Variants in KCNQ5 observed in about 807,000 individuals in gnomAD.
The protein encoded by KCNQ5 is potassium voltage-gated channel subfamily Q member 5.
In KCNQ5, 30 loss-of-function variants were observed where a neutral mutation model predicts 98.2. The ratio of observed to expected loss-of-function variants is 0.31; its 90% confidence interval spans 0.23 to 0.41. The LOEUF is 0.41. KCNQ5 is among the 10% of genes least tolerant of loss of function. The pLI is 1.00. For missense variants in KCNQ5, 835 were observed against 1,182.5 expected, an observed-to-expected ratio of 0.71 and a Z score of 4.31; for synonymous variants, 458 against 449.4, an observed-to-expected ratio of 1.02 and a Z score of -0.24.
intron 1 of KCNQ5, among the ~76,000 whole-genome samples, chr6:72,993,988 G>A: frequency 2.4e-5 from 2 of 84,208 alleles, no homozygotes; most frequent in African/African-American, 6.1e-5. Context: ...CAGGGGTCAG[G>A]GACCCACTTG....
At chr6:73,126,073 G>T (rs1775978734) in intron 9 of KCNQ5, among the ~76,000 whole-genome samples, 1 of 152,102 alleles carries the variant, frequency 6.6e-6, no homozygotes, top group Non-Finnish European at 1.5e-5. Flanking sequence ...CTTGAAAAAA[G>T]TTACACAAAA....
At chr6:72,897,191 A>G (rs2150189313) in intron 1 of KCNQ5, among the ~76,000 whole-genome samples, 1 of 152,200 alleles carries the variant, frequency 6.6e-6, no homozygotes, top group East Asian at 1.9e-4. Flanking sequence ...ATGGGGGAAA[A>G]AATTGGAATT....
chr6:72,637,951 C>T (rs989557109), intron 1 of KCNQ5, among the ~76,000 whole-genome samples: 1 of 152,178 alleles, frequency 6.6e-6, no homozygotes, highest in Non-Finnish European at 1.5e-5. Context: ...CGGGTAAGTT[C>T]CCTTAGCTTC....
intron 10 of KCNQ5, among the ~76,000 whole-genome samples, chr6:73,154,634 G>C (rs542257385): frequency 6.6e-6 from 1 of 152,188 alleles, no homozygotes; most frequent in African/African-American, 2.4e-5. Context: ...AGAATTTAAA[G>C]TGGGCTTACA....
intron 1 of KCNQ5, among the ~76,000 whole-genome samples, chr6:72,668,868 A>T (rs966946513): frequency 6.6e-6 from 1 of 151,834 alleles, no homozygotes; most frequent in Non-Finnish European, 1.5e-5. Context: ...TTAGAAGGAC[A>T]TTAGTCCTAT....
chr6:72,806,977 A>G (rs942392258), intron 1 of KCNQ5: 14 of 301,742 alleles, frequency 4.6e-5, no homozygotes, highest in South Asian at 2.4e-4. Context: ...GTTACTATTT[A>G]TTATGTATAT....
At chr6:73,113,944 T>C (rs1775372930) in intron 7 of KCNQ5, among the ~76,000 whole-genome samples, 1 of 152,236 alleles carries the variant, frequency 6.6e-6, no homozygotes, top group Admixed American at 6.5e-5. Flanking sequence ...ACTTAAATGT[T>C]GTTCTTAACA....
chr6:72,686,723 T>G (rs945090570), intron 1 of KCNQ5, among the ~76,000 whole-genome samples: 7 of 150,728 alleles, frequency 4.6e-5, no homozygotes, highest in Non-Finnish European at 4.4e-5. Context: ...GGTTGTTTTT[T>G]TTTTTTTTTT....
At chr6:72,768,823 T>C (rs1772708047) in intron 1 of KCNQ5, among the ~76,000 whole-genome samples, 1 of 152,108 alleles carries the variant, frequency 6.6e-6, no homozygotes. Flanking sequence ...TTATTTTCAT[T>C]GTAAAACCCA....
rs1378225277 is a variant in KCNQ5 at position 73,196,091 on chromosome 6, C to G, written c.*677C>G. The G allele has an allele frequency of 2.6e-5, 4 of 152,714 alleles. No individual in the cohort carries two copies. Among genetic ancestry groups the G allele is most frequent in the Non-Finnish European group, 4.4e-5 (3 of 68,452 alleles). 9.5% of individuals were successfully genotyped at this position (152,714 alleles called of 1,614,324 possible). Reference sequence around the variant, plus strand: ...ATGTGCAAATAATGAAATTCAGGGCCAGTGAGGCAAATAGACTATCTGACA... The same window carrying G: ...ATGTGCAAATAATGAAATTCAGGGCGAGTGAGGCAAATAGACTATCTGACA... On this transcript the variant is annotated 3_prime_UTR_variant, in exon 14 of 14. Transcript: ENST00000370398.
intron 8 of KCNQ5, among the ~76,000 whole-genome samples, chr6:73,122,217 T>C (rs1429814482): frequency 6.6e-6 from 1 of 152,130 alleles, no homozygotes; most frequent in Non-Finnish European, 1.5e-5. Flanking sequence ...GCTAGGTAAA[T>C]GTAAAAAGGG....
intron 5 of KCNQ5, among the ~76,000 whole-genome samples, chr6:73,081,830 TA>T (rs890856969): frequency 5.3e-5 from 8 of 150,434 alleles, no homozygotes; most frequent in South Asian, 2.1e-4. Context: ...CCATCTCATT[TA>T]AAAAAAAAAT....
At chr6:72,908,088 A>G (rs1779777596) in intron 1 of KCNQ5, among the ~76,000 whole-genome samples, 1 of 152,088 alleles carries the variant, frequency 6.6e-6, no homozygotes, top group African/African-American at 2.4e-5. Flanking sequence ...TTTTAGACAG[A>G]TCTCCTAAAT....
At chr6:72,893,958 T>G (rs958652966) in intron 1 of KCNQ5, among the ~76,000 whole-genome samples, 27 of 152,170 alleles carry the variant, frequency 1.8e-4, no homozygotes, top group African/African-American at 6.3e-4. Flanking sequence ...TACTATATAA[T>G]TAGGTATATA....
intron 1 of KCNQ5, among the ~76,000 whole-genome samples, chr6:72,730,310 A>AT (rs199928476): frequency 3.0e-4 from 45 of 151,634 alleles, no homozygotes; most frequent in South Asian, 8.3e-4. Flanking sequence ...AACTATTTAG[A>AT]TTTTTTTTTG....
chr6:72,932,669 T>C (rs1237064484), intron 1 of KCNQ5, among the ~76,000 whole-genome samples: 2 of 152,220 alleles, frequency 1.3e-5, no homozygotes, highest in Non-Finnish European at 2.9e-5. Flanking sequence ...CCTGATTATC[T>C]GCTATTTTAA....
chr6:72,672,112 G>T lies in KCNQ5; in HGVS notation c.398+49525G>T, dbSNP rs559892930. Among the ~76,000 whole-genome samples the T allele has an allele frequency of 1.8e-3, 263 of 150,268 alleles. 9 individuals are homozygous for T. The highest frequency in any genetic ancestry group is 0.016 in the Admixed American group (236 of 15,070). On this transcript the variant is annotated intron_variant, in intron 1 of 13. Transcript: ENST00000370398. Reference sequence around the variant, plus strand: ...ATTACAGGCATGAGCCACGACGCCTGGCCTAATTTTTTTTTTTTTTTTGAG... The same window carrying T: ...ATTACAGGCATGAGCCACGACGCCTTGCCTAATTTTTTTTTTTTTTTTGAG...
At chr6:73,092,190 G>C (rs990084663) in intron 5 of KCNQ5, among the ~76,000 whole-genome samples, 2 of 151,818 alleles carry the variant, frequency 1.3e-5, no homozygotes, top group African/African-American at 2.4e-5. Context: ...GGTCGCTGTT[G>C]GTGTATAGAA....
intron 1 of KCNQ5, among the ~76,000 whole-genome samples, chr6:72,964,859 T>A (rs1455269005): frequency 1.3e-5 from 2 of 152,230 alleles, no homozygotes; most frequent in Non-Finnish European, 2.9e-5. Context: ...CACTCTTGTC[T>A]TCTTGTTTCA....
Sources: gnomAD v4.1 joint callset for allele counts (sites outside exome capture counted in the v4.1 genomes callset) on GRCh38, gnomAD v4.1.1 for gene constraint, MANE v1.5 for transcripts, NCBI Gene and HGNC (gene_info 2026-07-23, HGNC 2026-07-21) for gene names.